STYXL1: variants seen among roughly 807,000 people sequenced by gnomAD.
STYXL1 encodes serine/threonine/tyrosine interacting like 1.
Under a neutral mutation model 36.4 loss-of-function variants are expected in STYXL1, and 32 were observed. That is an observed-to-expected ratio of 0.88 (90% CI 0.66 to 1.18). The LOEUF is 1.18. Ranked by LOEUF, STYXL1 falls within the 50% of genes most tolerant of loss-of-function variation. The probability of loss-of-function intolerance (pLI) is 0.00; values close to 1 mark genes in which losing one functional copy is unlikely to be tolerated. For synonymous variants in STYXL1, 133 were observed against 144.1 expected, an observed-to-expected ratio of 0.92 and a Z score of 0.55; for missense variants, 354 against 394.1, an observed-to-expected ratio of 0.90 and a Z score of 0.86.
intron 1 of STYXL1, among the ~76,000 whole-genome samples, chr7:76,037,562 CTG>C (rs1222712751): frequency 4.7e-5 from 7 of 150,114 alleles, no homozygotes; most frequent in African/African-American, 1.7e-4. Flanking sequence ...CCCTGCCTCC[CTG>C]TGTCTGCTCA....
intron 3 of STYXL1, among the ~76,000 whole-genome samples, chr7:76,023,758 G>T (rs879962036): frequency 1.3e-5 from 2 of 152,008 alleles, no homozygotes; most frequent in Non-Finnish European, 2.9e-5. Flanking sequence ...GCTCATGTCT[G>T]TAATCCCAGC....
chr7:76,000,916 T>C lies in STYXL1; in HGVS notation c.784A>G (p.Met262Val). 1 of 1,614,040 alleles carries C rather than the reference T, an allele frequency of 6.2e-7. No homozygotes were observed. Among genetic ancestry groups the C allele is most frequent in the Non-Finnish European group, 8.5e-7 (1 of 1,179,948 alleles). ...TGCAAGGTCTGCTCGTTACTATGCATGAGGTAGGCTATGATGGCGGCACAA... is the reference window on the plus strand; with the variant it reads ...TGCAAGGTCTGCTCGTTACTATGCACGAGGTAGGCTATGATGGCGGCACAA... ...RSCAAIIAYL[M>V]HSNEQTLQRS... The change falls in exon 8 of 9, where the codon ATG becomes GTG. Residue 262 changes from methionine to valine, a missense_variant. By Grantham distance (21) the Met-to-Val change is conservative. Transcript: ENST00000359697.
At chr7:76,033,769 G>A (rs552912353) in intron 1 of STYXL1, among the ~76,000 whole-genome samples, 3 of 152,114 alleles carry the variant, frequency 2.0e-5, no homozygotes, top group Admixed American at 1.3e-4. Context: ...AGCGTGGAAA[G>A]AGAAACACCA....
chr7:76,001,041 T>A, intron 7 of STYXL1, 39 bp from the exon 8 acceptor site: 1 of 1,510,294 alleles, frequency 6.6e-7, no homozygotes, highest in Non-Finnish European at 9.2e-7. Context: ...TGCCTGGCCC[T>A]CCTCCCTGTG....
At chr7:75,996,650 T>G (rs76760929) in intron 8 of STYXL1, 51 bp from the exon 9 acceptor site, 146,582 of 1,584,634 alleles carry the variant, frequency 0.093, 7,374 homozygotes, top group South Asian at 0.14. Context: ...CTGGGCCCTT[T>G]CCACTTGGAT....
intron 7 of STYXL1, 76 bp downstream of exon 7, chr7:76,003,682 C>T: frequency 7.5e-7 from 1 of 1,333,774 alleles, no homozygotes; most frequent in Non-Finnish European, 1.1e-6. Flanking sequence ...CAGAATAAGC[C>T]TGTGAAGGAG....
At chr7:76,007,262 C>T (rs145365375) in intron 5 of STYXL1, among the ~76,000 whole-genome samples, 1,941 of 151,840 alleles carry the variant, frequency 0.013, 43 homozygotes, top group African/African-American at 0.043. Context: ...CCCATCTCCA[C>T]GAAAAACACA....
intron 1 of STYXL1, among the ~76,000 whole-genome samples, chr7:76,032,524 A>G (rs1795484195): frequency 6.6e-6 from 1 of 151,948 alleles, no homozygotes; most frequent in Non-Finnish European, 1.5e-5. Flanking sequence ...CAACATGGCA[A>G]AACTCCGTCT....
intron 8 of STYXL1, among the ~76,000 whole-genome samples, chr7:75,997,882 T>C (rs1554564623): frequency 6.6e-6 from 1 of 152,108 alleles, no homozygotes. Flanking sequence ...ATAAAATATT[T>C]AACCAAGGAG....
chr7:76,038,156 G>A (rs2116440428), intron 1 of STYXL1, among the ~76,000 whole-genome samples: 1 of 149,584 alleles, frequency 6.7e-6, no homozygotes, highest in Admixed American at 6.7e-5. Flanking sequence ...GCAGCCTCAA[G>A]CGATCCTCCC....
In STYXL1 at chr7:76,029,972, G is replaced by GACCACAGACCCCCACA. The variant is rs1795142546; in HGVS notation, c.103+448_103+449insTGTGGGGGTCTGTGGT. Among the ~76,000 whole-genome samples, 8 of 152,098 alleles carry GACCACAGACCCCCACA rather than the reference G, an allele frequency of 5.3e-5. No homozygotes were observed. In the South Asian group the frequency reaches 1.7e-3, roughly 32 times the overall value. ...CTAACAGACCACAGACTGGTACTGG[G>GACCACAGACCCCCACA]GGTTGGGGGTTGCGGACTTCTTTTT... On this transcript the variant is annotated intron_variant, in intron 2 of 8. Coordinates refer to ENST00000359697, the MANE Select transcript of STYXL1 (RefSeq NM_001317785.2).
At chr7:75,996,621 G>C (rs1790163976) in intron 8 of STYXL1, 22 bp from the exon 9 acceptor site, 1 of 1,612,934 alleles carries the variant, frequency 6.2e-7, no homozygotes, top group African/African-American at 1.3e-5. Context: ...AAGAGAGAAA[G>C]TGAACTTCAC....
At chr7:76,017,319 G>A (rs193088721) in intron 4 of STYXL1, among the ~76,000 whole-genome samples, 9 of 152,062 alleles carry the variant, frequency 5.9e-5, no homozygotes, top group East Asian at 5.8e-4. Context: ...CACCGTGCCC[G>A]GCCCCAGATT....
chr7:76,001,374 G>A (rs543421646), intron 7 of STYXL1, among the ~76,000 whole-genome samples: 47 of 152,322 alleles, frequency 3.1e-4, no homozygotes, highest in African/African-American at 1.0e-3. Flanking sequence ...TGTAGCCTGA[G>A]TGCCAATCCT....
Position 76,003,863 on chromosome 7 carries a change from G to A in STYXL1, c.600-8C>T, listed in dbSNP as rs782453745. ...TCAGCATCGCCTGCAAAACTACACG[G>A]AAGGACCACACAGGTCATCAGGTGG... On this transcript the variant is annotated splice_polypyrimidine_tract_variant and splice_region_variant and intron_variant, in intron 6 of 8. Transcript: ENST00000359697. The A allele has an allele frequency of 6.2e-7, 1 of 1,613,782 alleles. No individual in the cohort carries two copies. The highest frequency in any genetic ancestry group is 1.1e-5 in the South Asian group (1 of 91,076).
chr7:76,021,920 T>C lies in STYXL1; in HGVS notation c.238A>G (p.Asn80Asp), dbSNP rs1270927602. The C allele has an allele frequency of 6.2e-7, 1 of 1,613,602 alleles. No homozygotes were observed. Among genetic ancestry groups the C allele is most frequent in the Non-Finnish European group, 8.5e-7 (1 of 1,180,020 alleles). Reference sequence around the variant, plus strand: ...AAGAGTATCTCCAGGGTGCTGCTGTTGTTATCATACACCACGCAGTACTTC... The same window carrying C: ...AAGAGTATCTCCAGGGTGCTGCTGTCGTTATCATACACCACGCAGTACTTC... ...CVKYCVVYDNNSSTLEILLKD... is the reference protein window; with the variant it reads ...CVKYCVVYDNDSSTLEILLKD... Residue 80 changes from asparagine to aspartate, a missense_variant, in exon 4 of 9, where the codon AAC (asparagine) becomes GAC (aspartate). Coordinates refer to ENST00000359697, the MANE Select transcript of STYXL1 (RefSeq NM_001317785.2).
intron 1 of STYXL1, chr7:76,045,889 G>C (rs1235948351): frequency 1.3e-5 from 2 of 152,086 alleles, no homozygotes; most frequent in Non-Finnish European, 2.9e-5. Flanking sequence ...AAAAAAAACA[G>C]AAGAAAGACT....
rs76303680 is a variant in STYXL1, at chr7:76,030,334, C to T, written c.103+87G>A. The T allele has an allele frequency of 4.7e-5, 46 of 985,520 alleles. No individual in the cohort carries two copies. The South Asian group carries it at 5.4e-4, about 12-fold the overall frequency. The allele number at this position is 985,520 out of a possible 1,614,324, so 61.0% of individuals were successfully genotyped here. Reference sequence around the variant, plus strand: ...TGTTCTAAAGTCATTCACTGCCCCCCACCCCGCCAAAAGTTTGTTAACTCA... The same window carrying T: ...TGTTCTAAAGTCATTCACTGCCCCCTACCCCGCCAAAAGTTTGTTAACTCA... On this transcript the variant is annotated intron_variant, in intron 2 of 8. Transcript: ENST00000359697.
intron 3 of STYXL1, among the ~76,000 whole-genome samples, chr7:76,026,292 A>G (rs1794721687): frequency 6.8e-6 from 1 of 147,748 alleles, no homozygotes; most frequent in African/African-American, 2.5e-5. Flanking sequence ...ATTTTAGAAG[A>G]CAAAGTTTTA....
Sources: allele counts gnomAD v4.1 joint callset (sites outside exome capture counted in the v4.1 genomes callset), GRCh38; gene constraint gnomAD v4.1.1; transcripts MANE v1.5; gene names NCBI Gene and HGNC (gene_info 2026-07-23, HGNC 2026-07-21).